The following NAALADL2 variants were observed in gnomAD, a reference collection of about 807,000 sequenced individuals.
NAALADL2 encodes the protein N-acetylated alpha-linked acidic dipeptidase like 2.
In NAALADL2, 76 loss-of-function variants were observed where a neutral mutation model predicts 87.2. The observed-to-expected ratio is 0.87, with a 90% CI of 0.72 to 1.05. The LOEUF (loss-of-function observed/expected upper bound fraction) is 1.05, where lower values mean the gene tolerates loss of function less well. Among genes scored for constraint, NAALADL2 ranks in the 50% least tolerant of loss-of-function variants. The pLI is 0.00. For synonymous variants in NAALADL2, 354 were observed against 331.0 expected, an observed-to-expected ratio of 1.07 and a Z score of -0.75; for missense variants, 1,089 against 945.8, an observed-to-expected ratio of 1.15 and a Z score of -1.99.
intron 2 of NAALADL2, among the ~76,000 whole-genome samples, chr3:175,131,298 G>A (rs1360835120): frequency 1.8e-4 from 28 of 151,920 alleles, no homozygotes; most frequent in South Asian, 4.2e-4. Flanking sequence ...AGGACCCTGC[G>A]GCCTTCTGCA....
intron 11 of NAALADL2, among the ~76,000 whole-genome samples, chr3:175,630,892 A>T (rs560174977): frequency 1.3e-5 from 2 of 151,660 alleles, no homozygotes; most frequent in South Asian, 4.1e-4. Flanking sequence ...TATGAAGCAG[A>T]ATTATTACTA....
At chr3:174,445,722 T>C in intron 1 of NAALADL2, among the ~76,000 whole-genome samples, 1 of 152,156 alleles carries the variant, frequency 6.6e-6, no homozygotes, top group African/African-American at 2.4e-5. Flanking sequence ...TAGTGATATT[T>C]GGTATATAGG....
intron 1 of NAALADL2, among the ~76,000 whole-genome samples, chr3:174,531,917 A>G (rs1187631485): frequency 6.6e-6 from 1 of 152,204 alleles, no homozygotes; most frequent in Non-Finnish European, 1.5e-5. Context: ...ACTTGTCTGT[A>G]GAAATACATT....
At chr3:175,622,586 C>G (rs894997048) in intron 10 of NAALADL2, among the ~76,000 whole-genome samples, 3 of 151,938 alleles carry the variant, frequency 2.0e-5, no homozygotes, top group Non-Finnish European at 2.9e-5. Context: ...GATGTGAATT[C>G]CAGTCCAGAT....
rs1560020933 is a variant in NAALADL2, at chr3:174,508,113, G to GTTTTTTTTTTTTTTTTT, written c.-183-42456_-183-42455insTTTTTTTTTTTTTTTTT. Among the ~76,000 whole-genome samples the GTTTTTTTTTTTTTTTTT allele has an allele frequency of 8.6e-5, 8 of 92,958 alleles. 2 individuals are homozygous for GTTTTTTTTTTTTTTTTT. The highest frequency in any genetic ancestry group is 2.7e-4 in the African/African-American group (7 of 25,488). The allele number at this position is 92,958 out of a possible 152,430, so 61.0% of individuals were successfully genotyped here. On this transcript the variant is annotated intron_variant, in intron 1 of 3. Coordinates refer to the NAALADL2 transcript ENST00000434257. Reference sequence around the variant, plus strand: ...AAATTTTAGCTATTGGATATCTAGTGGTTTTTTTTTTTTTTTTTGAGACGA... The same window carrying GTTTTTTTTTTTTTTTTT: ...AAATTTTAGCTATTGGATATCTAGTGTTTTTTTTTTTTTTTTTGTTTTTTTTTTTTTTTTTGAGACGA...
At chr3:175,283,232 C>A (rs1754545083) in intron 4 of NAALADL2, among the ~76,000 whole-genome samples, 1 of 152,086 alleles carries the variant, frequency 6.6e-6, no homozygotes, top group Non-Finnish European at 1.5e-5. Flanking sequence ...CTCTTTCCAT[C>A]TTCTTCCGTT....
At chr3:175,750,698 C>T (rs1468313327) in intron 12 of NAALADL2, among the ~76,000 whole-genome samples, 1 of 152,172 alleles carries the variant, frequency 6.6e-6, no homozygotes, top group Non-Finnish European at 1.5e-5. Context: ...CATGATCTAT[C>T]TCTCAAGGTT....
intron 11 of NAALADL2, among the ~76,000 whole-genome samples, chr3:175,723,433 T>C (rs1012430242): frequency 1.3e-4 from 20 of 152,176 alleles, no homozygotes; most frequent in African/African-American, 4.6e-4. Flanking sequence ...TAATGTGTTT[T>C]CAACAATAAA....
At chr3:174,496,658 A>G (rs1718558656) in intron 1 of NAALADL2, among the ~76,000 whole-genome samples, 1 of 151,930 alleles carries the variant, frequency 6.6e-6, no homozygotes. Flanking sequence ...TAAAGTTTCC[A>G]TCTTACTGCT....
Position 175,056,461 on chromosome 3 carries a change from C to T in NAALADL2, c.44-40329C>T, listed in dbSNP as rs73038470. Among the ~76,000 whole-genome samples the T allele has an allele frequency of 5.9e-5, 9 of 152,150 alleles. No individual in the cohort carries two copies. The South Asian group carries it at 1.0e-3, about 18-fold the overall frequency. On this transcript the variant is annotated intron_variant, in intron 1 of 13. Transcript: ENST00000454872. ...TTTCCACATTCTCCAACCATCTCTCCGGTGACCCTTCAACCTGGATTCGAG... is the reference window on the plus strand; with the variant it reads ...TTTCCACATTCTCCAACCATCTCTCTGGTGACCCTTCAACCTGGATTCGAG...
chr3:175,520,114 T>A (rs16825893), intron 9 of NAALADL2, among the ~76,000 whole-genome samples: 1 of 152,106 alleles, frequency 6.6e-6, no homozygotes, highest in South Asian at 2.1e-4. Context: ...GAGATTTTAT[T>A]TGGCAACAAG....
At chr3:174,776,771 A>C (rs1039671526) in intron 3 of NAALADL2, among the ~76,000 whole-genome samples, 2 of 152,158 alleles carry the variant, frequency 1.3e-5, no homozygotes, top group African/African-American at 4.8e-5. Context: ...GCAGTGTGAT[A>C]AAATTAAGAA....
At chr3:174,930,510 G>C (rs953406150) in intron 1 of NAALADL2, among the ~76,000 whole-genome samples, 1 of 150,778 alleles carries the variant, frequency 6.6e-6, no homozygotes, top group South Asian at 2.1e-4. Context: ...TTTAACCCAG[G>C]TGGAAAAATA....
chr3:174,985,137 A>G (rs1745681889), intron 1 of NAALADL2, among the ~76,000 whole-genome samples: 1 of 152,226 alleles, frequency 6.6e-6, no homozygotes, highest in Non-Finnish European at 1.5e-5. Context: ...GGGAAAAAGC[A>G]AAACAAACCA....
At chr3:175,418,113 A>T (rs758366406) in intron 5 of NAALADL2, among the ~76,000 whole-genome samples, 1 of 152,116 alleles carries the variant, frequency 6.6e-6, no homozygotes, top group Non-Finnish European at 1.5e-5. Flanking sequence ...TAGGAGAATG[A>T]GACCAGAAAA....
intron 5 of NAALADL2, among the ~76,000 whole-genome samples, chr3:175,406,311 C>G (rs56203321): frequency 0.084 from 12,721 of 152,192 alleles, 1,314 homozygotes; most frequent in African/African-American, 0.24. Context: ...TTAAATACAG[C>G]TACGTAACCA....
intron 1 of NAALADL2, among the ~76,000 whole-genome samples, chr3:175,051,378 CA>C (rs776136447): frequency 1.3e-5 from 2 of 152,084 alleles, no homozygotes; most frequent in Non-Finnish European, 2.9e-5. Context: ...CAGGGTTTCA[CA>C]AGGCAACATT....
intron 2 of NAALADL2, among the ~76,000 whole-genome samples, chr3:175,224,586 A>G (rs1743888173): frequency 6.6e-6 from 1 of 151,968 alleles, no homozygotes; most frequent in Admixed American, 6.6e-5. Flanking sequence ...CCCACTCCCC[A>G]CTGCCAAACT....
At chr3:175,476,641 T>C (rs774201822) in intron 9 of NAALADL2, among the ~76,000 whole-genome samples, 1 of 152,162 alleles carries the variant, frequency 6.6e-6, no homozygotes, top group East Asian at 1.9e-4. Flanking sequence ...TCTTGCTCAA[T>C]TGAGTGCAAA....
Sources: allele counts gnomAD v4.1 joint callset (sites outside exome capture counted in the v4.1 genomes callset), GRCh38; gene constraint gnomAD v4.1.1; transcripts MANE v1.5; gene names NCBI Gene and HGNC (gene_info 2026-07-23, HGNC 2026-07-21).